TRAK1: variants seen among roughly 807,000 people sequenced by gnomAD.
The protein encoded by TRAK1 is trafficking kinesin protein 1, also known as trafficking kinesin-binding protein 1.
In TRAK1, 33 loss-of-function variants were observed where a neutral mutation model predicts 92.1. The observed-to-expected ratio is 0.36, with a 90% CI of 0.27 to 0.48. The LOEUF (loss-of-function observed/expected upper bound fraction) is 0.48. TRAK1 is among the 20% of genes least tolerant of loss of function. TRAK1 has a pLI of 0.99. For missense variants in TRAK1, 1,123 were observed against 1,257.9 expected (o/e 0.89, Z 1.62); for synonymous variants, 521 against 517.3 (o/e 1.01, Z -0.10).
At chr3:42,123,316 A>G (rs193229834) in intron 1 of TRAK1, among the ~76,000 whole-genome samples, 2 of 152,302 alleles carry the variant, frequency 1.3e-5, no homozygotes, top group East Asian at 1.9e-4. Context: ...CCCCACAGTT[A>G]CTGCCTTTCT....
At chr3:42,149,522 C>T (rs1196822284) in intron 2 of TRAK1, 19 of 1,535,990 alleles carry the variant, frequency 1.2e-5, no homozygotes, top group Admixed American at 2.0e-5. Flanking sequence ...CTTTCCTCTG[C>T]AAGACTACTG....
chr3:42,134,588 T>A (rs1697691605), intron 2 of TRAK1, among the ~76,000 whole-genome samples: 1 of 127,784 alleles, frequency 7.8e-6, no homozygotes, highest in African/African-American at 3.5e-5. Flanking sequence ...CTTTTTTTTT[T>A]TTTTTTTTTT....
In TRAK1 at chr3:42,082,042, T is replaced by C. The variant is rs367728534; in HGVS notation, c.-518-5062T>C. Among the ~76,000 whole-genome samples the C allele has an allele frequency of 1.1e-3, 170 of 152,318 alleles. 6 individuals are homozygous for C. The South Asian group carries it at 0.035, about 31-fold the overall frequency. ...TCAGAACTGTGGCTTGTGTTTCCCTTTTGAGTCTTGAGTGAGGTGAGCATT... is the reference window on the plus strand; with the variant it reads ...TCAGAACTGTGGCTTGTGTTTCCCTCTTGAGTCTTGAGTGAGGTGAGCATT... On this transcript the variant is annotated intron_variant, in intron 1 of 16. Coordinates refer to the TRAK1 transcript ENST00000487159.
chr3:42,113,190 C>T (rs886576071), intron 1 of TRAK1, among the ~76,000 whole-genome samples: 1 of 152,198 alleles, frequency 6.6e-6, no homozygotes, highest in Non-Finnish European at 1.5e-5. Context: ...ATGTAGTGAG[C>T]CATAATTGCA....
At chr3:42,044,283 C>T (rs1702672096) in intron 1 of TRAK1, among the ~76,000 whole-genome samples, 1 of 152,206 alleles carries the variant, frequency 6.6e-6, no homozygotes, top group African/African-American at 2.4e-5. Flanking sequence ...ACCTCAACCT[C>T]CCTAGTAGCT....
At chr3:42,175,509 C>T (rs1276509390) in intron 2 of TRAK1, among the ~76,000 whole-genome samples, 1 of 152,172 alleles carries the variant, frequency 6.6e-6, no homozygotes, top group Non-Finnish European at 1.5e-5. Context: ...CAGGAGGGAT[C>T]TCATGAAAGT....
chr3:42,086,547 C>T (rs1331988899), upstream of TRAK1, among the ~76,000 whole-genome samples: 1 of 151,950 alleles, frequency 6.6e-6, no homozygotes, highest in Admixed American at 6.6e-5. Context: ...GAACTCCTGA[C>T]CTCAAATGAG....
Position 42,219,786 on chromosome 3 carries a change from G to GTTTTTTTTTTTTTTTTTTTTTTTT in TRAK1, c.2066+194_2066+217dup, listed in dbSNP as rs397989334. 3.1e-5 allele frequency among the ~76,000 whole-genome samples: 2 copies of GTTTTTTTTTTTTTTTTTTTTTTTT among 63,498 alleles called. 1 individual carries two copies. Among genetic ancestry groups the GTTTTTTTTTTTTTTTTTTTTTTTT allele is most frequent in the African/African-American group, 8.7e-5 (2 of 23,040 alleles). The allele number at this position is 63,498 out of a possible 152,430, so 41.7% of individuals were successfully genotyped here. A position where few individuals can be genotyped will look rare whatever the true frequency, so the allele number is the denominator to read the frequency against. On this transcript the variant is annotated intron_variant, in intron 15 of 15. Coordinates refer to ENST00000327628, the MANE Select transcript of TRAK1 (RefSeq NM_001042646.3). ...ATCCTTCCTTTTGTTGTTGTTATGT[G>GTTTTTTTTTTTTTTTTTTTTTTTT]TTTTTTTTTTTTTTTTTTTTTTTTT...
intron 2 of TRAK1, among the ~76,000 whole-genome samples, chr3:42,159,654 A>G (rs999400225): frequency 6.6e-6 from 1 of 152,222 alleles, no homozygotes; most frequent in Non-Finnish European, 1.5e-5. Context: ...ATTGATAAAG[A>G]GAAAATGGAG....
chr3:42,117,273 C>T (rs796893588), intron 1 of TRAK1, among the ~76,000 whole-genome samples: 4 of 152,106 alleles, frequency 2.6e-5, no homozygotes, highest in Admixed American at 6.6e-5. Flanking sequence ...AGTGATAGGA[C>T]GAAGTTGAGG....
chr3:42,189,810 C>T (rs1488285787), intron 6 of TRAK1, among the ~76,000 whole-genome samples: 5 of 152,162 alleles, frequency 3.3e-5, no homozygotes, highest in Admixed American at 2.6e-4. Context: ...GGGTTACAGG[C>T]GTGAGCCACC....
chr3:42,111,735 T>G (rs1708432672), intron 1 of TRAK1, among the ~76,000 whole-genome samples: 1 of 152,108 alleles, frequency 6.6e-6, no homozygotes, highest in African/African-American at 2.4e-5. Context: ...TGCATCTATT[T>G]TGATTAAACC....
intron 13 of TRAK1, among the ~76,000 whole-genome samples, chr3:42,205,375 T>G (rs1385353597): frequency 2.0e-5 from 3 of 152,184 alleles, no homozygotes; most frequent in Non-Finnish European, 4.4e-5. Flanking sequence ...GCTGAGATCA[T>G]AGCAGATAGC....
rs1032727238 is a variant in TRAK1 at position 42,211,765 on chromosome 3, ACT to A, written c.1963+1784_1963+1785del. Reference sequence around the variant, plus strand: ...AATTATGAGGACTGACATCCTGGCCACTCTCCTTAAAATAAACACTGACATTT... The same window carrying A: ...AATTATGAGGACTGACATCCTGGCCACTCCTTAAAATAAACACTGACATTT... On this transcript the variant is annotated intron_variant, in intron 14 of 15. Transcript: ENST00000327628. The A allele has an allele frequency of 2.7e-5, 27 of 985,178 alleles. No individual in the cohort carries two copies. The African/African-American group carries it at 4.7e-4, about 17-fold the overall frequency. 61.0% of individuals were successfully genotyped at this position (985,178 alleles called of 1,614,324 possible). A position where few individuals can be genotyped will look rare whatever the true frequency, so the allele number is the denominator to read the frequency against.
rs1708054682 is a variant in TRAK1 at position 42,204,151 on chromosome 3, G to T, written c.1744+1399G>T. On this transcript the variant is annotated intron_variant, in intron 13 of 15. Coordinates refer to ENST00000327628, the MANE Select transcript of TRAK1 (RefSeq NM_001042646.3). Reference sequence around the variant, plus strand: ...GTGATTGTTTTCTGATCCACATTGTGTGTGTTCTTCAATAAAATCTTTCAT... The same window carrying T: ...GTGATTGTTTTCTGATCCACATTGTTTGTGTTCTTCAATAAAATCTTTCAT... 6 of 985,584 alleles carry T rather than the reference G, an allele frequency of 6.1e-6. No individual in the cohort carries two copies. In the South Asian group the frequency reaches 2.3e-4, roughly 39 times the overall value. The allele number at this position is 985,584 out of a possible 1,614,324, so 61.1% of individuals were successfully genotyped here. A position where few individuals can be genotyped will look rare whatever the true frequency, so the allele number is the denominator to read the frequency against.
At chr3:42,197,109 G>A (rs1463199) in intron 10 of TRAK1, among the ~76,000 whole-genome samples, 115,981 of 151,740 alleles carry the variant, frequency 0.76, 44,641 homozygotes, top group East Asian at 0.98. Flanking sequence ...TATTATTCCA[G>A]GAAGGAGTCC....
intron 2 of TRAK1, chr3:42,160,552 A>T: frequency 2.2e-6 from 3 of 1,379,622 alleles, no homozygotes; most frequent in Non-Finnish European, 3.0e-6. Context: ...CTGATTTCAT[A>T]GCACTGTTTT....
At chr3:42,047,917 CT>C (rs1358093398) in intron 1 of TRAK1, among the ~76,000 whole-genome samples, 4 of 115,274 alleles carry the variant, frequency 3.5e-5, no homozygotes, top group Non-Finnish European at 5.3e-5. Flanking sequence ...CCCATAGTTT[CT>C]TTTCTTTTTT....
At chr3:42,050,846 C>T (rs967363546) in intron 1 of TRAK1, among the ~76,000 whole-genome samples, 3 of 151,872 alleles carry the variant, frequency 2.0e-5, no homozygotes, top group Non-Finnish European at 2.9e-5. Context: ...TTAGTAGAGA[C>T]GGGGTTTCAC....
Sources: allele counts gnomAD v4.1 joint callset (sites outside exome capture counted in the v4.1 genomes callset), GRCh38; gene constraint gnomAD v4.1.1; transcripts MANE v1.5; gene names NCBI Gene and HGNC (gene_info 2026-07-23, HGNC 2026-07-21).